TIAM1: variants seen among roughly 807,000 people sequenced by gnomAD.
TIAM1 encodes the protein rho guanine nucleotide exchange factor TIAM1.
Under a neutral mutation model 163.5 loss-of-function variants are expected in TIAM1, and 65 were observed. The observed-to-expected ratio is 0.40, with a 90% confidence interval of 0.33 to 0.49. TIAM1 has a LOEUF of 0.49. Ranked by LOEUF, TIAM1 falls within the 20% of genes least tolerant of loss-of-function variation. TIAM1 has a pLI of 0.77. For synonymous variants in TIAM1, 833 were observed against 810.1 expected (o/e 1.03, Z -0.48); for missense variants, 1,789 against 2,044.7 (o/e 0.87, Z 2.41).
intron 2 of TIAM1, among the ~76,000 whole-genome samples, chr21:31,437,892 T>C (rs984339640): frequency 2.0e-5 from 3 of 152,212 alleles, no homozygotes; most frequent in African/African-American, 7.2e-5. Flanking sequence ...TTTATAGCAG[T>C]GTGAGAACAG....
Position 31,213,418 on chromosome 21 carries a change from C to T in TIAM1, c.2197G>A (p.Asp733Asn), listed in dbSNP as rs757170416. 7 of 1,610,688 alleles carry T rather than the reference C, an allele frequency of 4.3e-6. No homozygotes were observed. The African/African-American group carries it at 9.4e-5, about 22-fold the overall frequency. Residue 733 changes from aspartate to asparagine, a missense_variant, in exon 10 of 28, where the codon GAC becomes AAC. Transcript: ENST00000541036. ...TTTACCTTGCCATCTGGAACAATGT[C>T]ATCAAATATTCCCTCTAAAGATTTC... The part of the protein sequence containing the change: ...VKKSLEGIFD[D>N]IVPDGKREKE...
intron 4 of TIAM1, among the ~76,000 whole-genome samples, chr21:31,262,044 G>C (rs747717985): frequency 1.3e-5 from 2 of 152,132 alleles, no homozygotes; most frequent in Non-Finnish European, 2.9e-5. Context: ...TCAAACGGCA[G>C]GTTTCTCTCT....
Position 31,130,295 on chromosome 21 carries a change from G to A in TIAM1, c.3963C>T (p.Ser1321=). 1 of 1,614,032 alleles carries A rather than the reference G, an allele frequency of 6.2e-7. No individual in the cohort carries two copies. Among genetic ancestry groups the A allele is most frequent in the South Asian group, 1.1e-5 (1 of 91,070 alleles). The change falls in exon 25 of 28, where the codon TCC becomes TCT. Residue 1321 remains serine, a synonymous_variant. Coordinates refer to ENST00000541036, the MANE Select transcript of TIAM1 (RefSeq NM_001353694.2). ...KKKLVGSHRL[S]IYEDWDPFRF... ...TGAAGGGGTCCCAGTCCTCATAAAT[G>A]GAAAGCCTGTGAGATCCTACCTGCA...
chr21:31,335,215 C>T (rs1270465568), intron 2 of TIAM1, among the ~76,000 whole-genome samples: 2 of 152,080 alleles, frequency 1.3e-5, no homozygotes, highest in Non-Finnish European at 2.9e-5. Flanking sequence ...TTCAAAGAAC[C>T]AGCCTGATAC....
intron 2 of TIAM1, among the ~76,000 whole-genome samples, chr21:31,396,664 A>C (rs1325511784): frequency 6.6e-6 from 1 of 150,734 alleles, no homozygotes; most frequent in African/African-American, 2.4e-5. Context: ...AAAACAAAAT[A>C]TTGGGCCAGG....
chr21:31,487,457 G>C (rs982705509), intron 1 of TIAM1, among the ~76,000 whole-genome samples: 1 of 151,704 alleles, frequency 6.6e-6, no homozygotes, highest in African/African-American at 2.4e-5. Flanking sequence ...CATAACCTCC[G>C]CCTCCTGGGT....
intron 2 of TIAM1, among the ~76,000 whole-genome samples, chr21:31,327,772 G>C (rs1380808864): frequency 2.0e-5 from 3 of 152,014 alleles, no homozygotes; most frequent in Admixed American, 2.0e-4. Context: ...GACTGTGTGA[G>C]CAATAAGAAA....
rs75565661 is a variant in TIAM1, at chr21:31,480,107, G to A, written c.-421-16072C>T. Among the ~76,000 whole-genome samples the A allele has an allele frequency of 2.8e-4, 42 of 152,258 alleles. No homozygotes were observed. In the East Asian group the frequency reaches 7.3e-3, roughly 27 times the overall value. ...GCACATAGCCACCATCCAATCAATC[G>A]ATTTTAAATTAAAGCAATGGTTTTA... On this transcript the variant is annotated intron_variant, in intron 1 of 28. Transcript: ENST00000286827.
chr21:31,160,354 C>T (rs2083852497), intron 16 of TIAM1: 1 of 397,982 alleles, frequency 2.5e-6, no homozygotes, highest in Admixed American at 4.4e-5. Context: ...AAGGTGTAAT[C>T]ACTGTCATTC....
At chr21:31,130,006 G>GTTCA (rs897213632) in intron 25 of TIAM1, among the ~76,000 whole-genome samples, 9 of 150,054 alleles carry the variant, frequency 6.0e-5, no homozygotes, top group Admixed American at 2.0e-4. Context: ...CATTCACTTG[G>GTTCA]TTCATTCATT....
intron 2 of TIAM1, among the ~76,000 whole-genome samples, chr21:31,420,220 A>C (rs1027205589): frequency 2.0e-5 from 3 of 151,560 alleles, no homozygotes; most frequent in African/African-American, 7.3e-5. Context: ...ACTTTGCCAC[A>C]TAATAATAAT....
intron 2 of TIAM1, among the ~76,000 whole-genome samples, chr21:31,296,827 C>G (rs996380925): frequency 7.2e-4 from 109 of 152,280 alleles, no homozygotes; most frequent in Middle Eastern, 3.4e-3. Flanking sequence ...CCACGCCCAG[C>G]TAATTTTTTG....
In TIAM1 at chr21:31,252,174, C is replaced by T. The variant is rs199941816; in HGVS notation, c.979G>A (p.Glu327Lys). Residue 327 changes from glutamate to lysine, a missense_variant, in exon 5 of 28, where the codon GAG (glutamate) becomes AAG (lysine). Glu to Lys is a moderately conservative substitution (Grantham distance 56, BLOSUM62 1). Transcript: ENST00000541036. ...AKTTQDVNAG[E>K]GSEFADSGIE... ...CCACTGTCTGCAAACTCACTGCCCT[C>T]GCCTGCATTAACATCCTTGGGAGCA... 4 of 1,605,826 alleles carry T rather than the reference C, an allele frequency of 2.5e-6. No individual in the cohort carries two copies. Among genetic ancestry groups the T allele is most frequent in the East Asian group, 2.2e-5 (1 of 44,852 alleles).
At chr21:31,163,001 T>C (rs1424745268) in intron 16 of TIAM1, among the ~76,000 whole-genome samples, 1 of 152,154 alleles carries the variant, frequency 6.6e-6, no homozygotes, top group Non-Finnish European at 1.5e-5. Flanking sequence ...CAGAACCTCA[T>C]ATTATACAGG....
chr21:31,398,835 GTCAGCATC>G (rs1290231973), intron 2 of TIAM1, among the ~76,000 whole-genome samples: 1 of 152,200 alleles, frequency 6.6e-6, no homozygotes, highest in African/African-American at 2.4e-5. Context: ...AAATGTAAAC[GTCAGCATC>G]TCTTATCACC....
chr21:31,151,609 A>T (rs1432833536), intron 19 of TIAM1, among the ~76,000 whole-genome samples: 2 of 152,114 alleles, frequency 1.3e-5, no homozygotes, highest in Admixed American at 1.3e-4. Context: ...GCAGGACAAG[A>T]CTTTCAGGAG....
chr21:31,246,372 T>C (rs1240663050), intron 5 of TIAM1, among the ~76,000 whole-genome samples: 2 of 152,206 alleles, frequency 1.3e-5, no homozygotes, highest in African/African-American at 2.4e-5. Flanking sequence ...GAATATTTTA[T>C]AGACTTGTGG....
chr21:31,202,896 T>G lies in TIAM1; in HGVS notation c.2493+12A>C, dbSNP rs181851377. On this transcript the variant is annotated intron_variant, in intron 12 of 27. Transcript: ENST00000541036. ...CCCATAAAGTGTGCTTGGACAACAG[T>G]CATAACATTACCAGCTCATAGATGT... is the stretch of plus-strand genomic sequence containing the variant. The G allele has an allele frequency of 1.7e-5, 27 of 1,609,002 alleles. No homozygotes were observed. The East Asian group carries it at 6.0e-4, about 36-fold the overall frequency.
intron 1 of TIAM1, among the ~76,000 whole-genome samples, chr21:31,488,797 G>A (rs1044168491): frequency 2.0e-5 from 3 of 152,024 alleles, no homozygotes; most frequent in Non-Finnish European, 4.4e-5. Flanking sequence ...AGATTTGGGT[G>A]GGGACACAAA....
Sources: gnomAD v4.1 joint callset for allele counts (sites outside exome capture counted in the v4.1 genomes callset) on GRCh38, gnomAD v4.1.1 for gene constraint, MANE v1.5 for transcripts, NCBI Gene and HGNC (gene_info 2026-07-23, HGNC 2026-07-21) for gene names.